The following TMPRSS11F variants were observed in gnomAD, a reference collection of about 807,000 sequenced individuals.
TMPRSS11F encodes transmembrane serine protease 11F, also known as transmembrane protease serine 11F.
In TMPRSS11F, 47 loss-of-function variants were observed where a neutral mutation model predicts 60.2. That is an observed-to-expected ratio of 0.78 (90% CI 0.62 to 1.00). The LOEUF (loss-of-function observed/expected upper bound fraction) is 1.00, where lower values mean the gene tolerates loss of function less well. Among genes scored for constraint, TMPRSS11F ranks in the 50% least tolerant of loss-of-function variants. The probability of loss-of-function intolerance (pLI) is 0.00; values close to 1 mark genes in which losing one functional copy is unlikely to be tolerated. For missense variants in TMPRSS11F, 519 were observed against 522.9 expected (o/e 0.99, Z 0.07); for synonymous variants, 166 against 167.3 (o/e 0.99, Z 0.06).
intron 3 of TMPRSS11F, among the ~76,000 whole-genome samples, chr4:68,074,821 G>A (rs1050886883): frequency 2.6e-5 from 4 of 152,092 alleles, no homozygotes; most frequent in Admixed American, 1.3e-4. Context: ...GGCTAGCAGG[G>A]TGCAGTGGCT....
At chr4:68,110,192 C>T (rs1465977980) in intron 1 of TMPRSS11F, among the ~76,000 whole-genome samples, 1 of 152,144 alleles carries the variant, frequency 6.6e-6, no homozygotes, top group African/African-American at 2.4e-5. Flanking sequence ...CATGGGTTAA[C>T]TAAGGTTAAT....
intron 1 of TMPRSS11F, among the ~76,000 whole-genome samples, 195 bp from the exon 2 acceptor site, chr4:68,099,233 A>T (rs1315954755): frequency 1.3e-5 from 2 of 152,204 alleles, no homozygotes; most frequent in East Asian, 3.8e-4. Context: ...AGGTTTAGAC[A>T]AAGTTCTGCT....
intron 1 of TMPRSS11F, among the ~76,000 whole-genome samples, chr4:68,127,509 A>G (rs1292067764): frequency 6.9e-6 from 1 of 144,394 alleles, no homozygotes; most frequent in Non-Finnish European, 1.5e-5. Context: ...AATAACCTAC[A>G]ATGTGGGATA....
intron 1 of TMPRSS11F, among the ~76,000 whole-genome samples, chr4:68,103,322 C>T (rs114196937): frequency 1.3e-5 from 2 of 151,856 alleles, no homozygotes; most frequent in African/African-American, 4.8e-5. Context: ...GGCACATGCC[C>T]GTAGTCCCAG....
At chr4:68,056,071 A>G (rs998103240) in intron 9 of TMPRSS11F, among the ~76,000 whole-genome samples, 1 of 152,204 alleles carries the variant, frequency 6.6e-6, no homozygotes, top group African/African-American at 2.4e-5. Flanking sequence ...GGCTTTTATT[A>G]TTAAAGCCAT....
At chr4:68,084,783 T>C (rs529550528) in intron 3 of TMPRSS11F, among the ~76,000 whole-genome samples, 1 of 150,964 alleles carries the variant, frequency 6.6e-6, no homozygotes, top group South Asian at 2.1e-4. Flanking sequence ...GTGCACATTG[T>C]GCAGGTTAGT....
At chr4:68,055,688 A>T (rs940603356) in intron 9 of TMPRSS11F, among the ~76,000 whole-genome samples, 59 of 152,316 alleles carry the variant, frequency 3.9e-4, no homozygotes, top group Admixed American at 2.4e-3. Context: ...TCTTCCAGAA[A>T]ACTTAAGAAG....
chr4:68,063,891 G>A (rs1359488765), intron 8 of TMPRSS11F, among the ~76,000 whole-genome samples: 1 of 152,008 alleles, frequency 6.6e-6, no homozygotes, highest in African/African-American at 2.4e-5. Flanking sequence ...CTCATACAAT[G>A]AGAAATAATT....
chr4:68,098,767 G>A (rs1724130006), intron 2 of TMPRSS11F, 120 bp downstream of exon 2: 1 of 951,388 alleles, frequency 1.1e-6, no homozygotes. Context: ...TTTAACATCA[G>A]TAAAAGACTG....
rs1722991584 is a variant in TMPRSS11F at position 68,053,960 on chromosome 4, G to A, written c.1266C>T (p.Tyr422=). Residue 422 remains tyrosine, a synonymous_variant, in exon 10 of 10, where the codon TAC becomes TAT. Transcript: ENST00000356291. ...SCALPKKPGV[Y]TRVTKYRDWI... Reference sequence around the variant, plus strand: ...AATCTCGATACTTAGTTACTCTGGTGTAGACTCCAGGTTTTTTGGGAAGTG... The same window carrying A: ...AATCTCGATACTTAGTTACTCTGGTATAGACTCCAGGTTTTTTGGGAAGTG... The A allele has an allele frequency of 2.5e-6, 4 of 1,613,632 alleles. No homozygotes were observed. In the African/African-American group the frequency reaches 4.0e-5, roughly 16 times the overall value.
chr4:68,118,182 T>C (rs1056165048), intron 1 of TMPRSS11F, among the ~76,000 whole-genome samples: 1 of 152,216 alleles, frequency 6.6e-6, no homozygotes, highest in Non-Finnish European at 1.5e-5. Flanking sequence ...CTTTTGATAT[T>C]ACTATTATAT....
In TMPRSS11F at chr4:68,069,992, T is replaced by C; in HGVS notation, c.530A>G (p.Lys177Arg). 3 of 1,604,550 alleles carry C rather than the reference T, an allele frequency of 1.9e-6. No individual in the cohort carries two copies. The highest frequency in any genetic ancestry group is 2.6e-6 in the Non-Finnish European group (3 of 1,175,046). Residue 177 changes from lysine to arginine, a missense_variant, in exon 6 of 10, where the codon AAG becomes AGG. Transcript: ENST00000356291. ...SFRLTPIDSK[K>R]MRNLLNSRCG... ...ACGACTGTTGAGAAGATTCCTCATCTTTTTGCTGTCAATAGCTGGAATAAG... is the reference window on the plus strand; with the variant it reads ...ACGACTGTTGAGAAGATTCCTCATCCTTTTGCTGTCAATAGCTGGAATAAG...
chr4:68,097,433 T>C (rs549101860), intron 2 of TMPRSS11F, among the ~76,000 whole-genome samples: 2 of 152,280 alleles, frequency 1.3e-5, no homozygotes, highest in Non-Finnish European at 2.9e-5. Context: ...TTGTTGTTCT[T>C]CCTCCTTTGA....
chr4:68,068,556 G>T, intron 7 of TMPRSS11F, 62 bp downstream of exon 7: 3 of 1,414,916 alleles, frequency 2.1e-6, no homozygotes, highest in Non-Finnish European at 3.0e-6. Flanking sequence ...CTTCTGATGC[G>T]CTAAATCAGT....
Position 68,098,878 on chromosome 4 carries a change from G to T in TMPRSS11F, c.163+9C>A. Reference sequence around the variant, plus strand: ...ACTTAGGCAATGGAACTGTGACCTGGATACTTACCCTCAACAACAAAATGA... The same window carrying T: ...ACTTAGGCAATGGAACTGTGACCTGTATACTTACCCTCAACAACAAAATGA... On this transcript the variant is annotated intron_variant, in intron 2 of 9. Transcript: ENST00000356291. 1 of 1,606,534 alleles carries T rather than the reference G, an allele frequency of 6.2e-7. No individual in the cohort carries two copies. The highest frequency in any genetic ancestry group is 2.2e-5 in the East Asian group (1 of 44,622).
intron 1 of TMPRSS11F, among the ~76,000 whole-genome samples, chr4:68,101,529 A>G (rs1193344736): frequency 6.6e-6 from 1 of 152,178 alleles, no homozygotes; most frequent in Non-Finnish European, 1.5e-5. Flanking sequence ...TATATTTGTT[A>G]GATGTATAAA....
chr4:68,070,033 T>C (rs552868096), intron 5 of TMPRSS11F, 26 bp from the exon 6 acceptor site: 15 of 1,598,148 alleles, frequency 9.4e-6, no homozygotes, highest in African/African-American at 9.4e-5. Context: ...CATGAATTAG[T>C]TGGCAGAAGA....
At chr4:68,065,780 C>A (rs6843439) in intron 7 of TMPRSS11F, among the ~76,000 whole-genome samples, 101,831 of 150,098 alleles carry the variant, frequency 0.68, 36,273 homozygotes, top group East Asian at 0.88. Context: ...AAAAAAAAAA[C>A]CTGAAAGATC....
At chr4:68,099,550 T>G (rs367994532) in intron 1 of TMPRSS11F, among the ~76,000 whole-genome samples, 2 of 152,198 alleles carry the variant, frequency 1.3e-5, no homozygotes, top group East Asian at 3.9e-4. Flanking sequence ...ACCCCACTGG[T>G]GCATTACCTC....
Sources: gnomAD v4.1 joint callset for allele counts (sites outside exome capture counted in the v4.1 genomes callset) on GRCh38, gnomAD v4.1.1 for gene constraint, MANE v1.5 for transcripts, NCBI Gene and HGNC (gene_info 2026-07-23, HGNC 2026-07-21) for gene names.